The following ARL13B variants were observed in gnomAD, a reference collection of about 807,000 sequenced individuals.
ARL13B encodes the protein ARF like GTPase 13B, also known as ADP-ribosylation factor-like protein 13B.
ARL13B carries 36 observed loss-of-function variants against 56.1 expected under a neutral mutation model. That is an observed-to-expected ratio of 0.64 (90% CI 0.49 to 0.85). The LOEUF (loss-of-function observed/expected upper bound fraction) is 0.85. Ranked by LOEUF, ARL13B falls within the 40% of genes least tolerant of loss-of-function variation. The pLI, the probability that ARL13B is intolerant of heterozygous loss-of-function variation, is 0.00. For missense variants in ARL13B, 519 were observed against 507.1 expected, an observed-to-expected ratio of 1.02 and a Z score of -0.23; for synonymous variants, 178 against 171.1, an observed-to-expected ratio of 1.04 and a Z score of -0.32.
At chr3:94,033,051 A>G (rs1227649950) in intron 3 of ARL13B, among the ~76,000 whole-genome samples, 1 of 152,222 alleles carries the variant, frequency 6.6e-6, no homozygotes, top group Non-Finnish European at 1.5e-5. Context: ...TCAACTATTT[A>G]AAAAAGCATG....
At chr3:94,046,989 T>C (rs1318001139) in intron 7 of ARL13B, among the ~76,000 whole-genome samples, 2 of 152,100 alleles carry the variant, frequency 1.3e-5, no homozygotes, top group Non-Finnish European at 2.9e-5. Flanking sequence ...CTACTAGATA[T>C]ACGTTAAGTT....
chr3:94,006,998 C>T (rs2076146620), intron 3 of ARL13B, among the ~76,000 whole-genome samples: 1 of 152,100 alleles, frequency 6.6e-6, no homozygotes, highest in South Asian at 2.1e-4. Context: ...CTTTGTTGCA[C>T]ACAGCTTCCT....
chr3:93,992,794 GTTTTA>G (rs559458931), intron 1 of ARL13B, among the ~76,000 whole-genome samples: 56 of 151,896 alleles, frequency 3.7e-4, no homozygotes, highest in African/African-American at 1.3e-3. Context: ...TTATCATTGT[GTTTTA>G]TTTTATTTTT....
At chr3:94,008,430 G>C (rs1175515171) in intron 3 of ARL13B, among the ~76,000 whole-genome samples, 2 of 152,070 alleles carry the variant, frequency 1.3e-5, no homozygotes, top group Non-Finnish European at 2.9e-5. Context: ...AAAGTAAACA[G>C]GTTTTGCAAC....
chr3:94,029,327 TATATATATTTA>T (rs1559997632), intron 3 of ARL13B, among the ~76,000 whole-genome samples: 10 of 101,942 alleles, frequency 9.8e-5, no homozygotes, highest in African/African-American at 3.8e-4. Context: ...TATATATATA[TATATATATTTA>T]TTTTTTTTTT....
chr3:94,016,240 G>T (rs540495655), intron 3 of ARL13B, among the ~76,000 whole-genome samples: 1 of 152,066 alleles, frequency 6.6e-6, no homozygotes, highest in South Asian at 2.1e-4. Context: ...GATAAGAAGA[G>T]GCTGTTAGGG....
intron 3 of ARL13B, among the ~76,000 whole-genome samples, chr3:94,030,562 AACAAATAC>A (rs2076658454): frequency 6.6e-6 from 1 of 152,034 alleles, no homozygotes; most frequent in African/African-American, 2.4e-5. Flanking sequence ...TAAATCTTAA[AACAAATAC>A]ACAAACGATC....
rs139946802 is a variant in ARL13B at position 94,005,388 on chromosome 3, C to T, written c.380+1480C>T. ...TTATAATTAGAATGATCCTAATAGG[C>T]CTTATTGAGAAACTGACATTTGAAA... is the stretch of plus-strand genomic sequence containing the variant. On this transcript the variant is annotated intron_variant, in intron 3 of 9. Coordinates refer to ENST00000394222, the MANE Select transcript of ARL13B (RefSeq NM_001174150.2). 3.5e-4 allele frequency among the ~76,000 whole-genome samples: 54 copies of T among 152,180 alleles called. No individual in the cohort carries two copies. In the East Asian group the frequency reaches 9.1e-3, roughly 26 times the overall value.
At chr3:94,040,516 A>C (rs2076843566) in intron 6 of ARL13B, among the ~76,000 whole-genome samples, 1 of 152,072 alleles carries the variant, frequency 6.6e-6, no homozygotes, top group Non-Finnish European at 1.5e-5. Flanking sequence ...GTAGATTTTA[A>C]TTATGAAGAC....
In ARL13B at chr3:93,980,172, T is replaced by C. The variant is rs1710130989; in HGVS notation, c.-252T>C. 6 of 652,386 alleles carry C rather than the reference T, an allele frequency of 9.2e-6. No individual in the cohort carries two copies. The highest frequency in any genetic ancestry group is 4.0e-4 in the Middle Eastern group (1 of 2,474). 40.4% of individuals were successfully genotyped at this position (652,386 alleles called of 1,614,324 possible). On this transcript the variant is annotated 5_prime_UTR_variant, in exon 1 of 10. Transcript: ENST00000394222. Reference sequence around the variant, plus strand: ...GACGCGGGGCTTTTCTTTAGCCGGGTCCCGCTAACTCGGCTACGGTGTATC... The same window carrying C: ...GACGCGGGGCTTTTCTTTAGCCGGGCCCCGCTAACTCGGCTACGGTGTATC...
At chr3:94,021,086 G>A (rs2076438024) in intron 3 of ARL13B, among the ~76,000 whole-genome samples, 1 of 151,770 alleles carries the variant, frequency 6.6e-6, no homozygotes, top group South Asian at 2.1e-4. Flanking sequence ...AATTATGAAA[G>A]GAAGATTAGT....
intron 5 of ARL13B, among the ~76,000 whole-genome samples, chr3:94,038,738 G>T (rs1170281015): frequency 6.6e-6 from 1 of 151,758 alleles, no homozygotes; most frequent in African/African-American, 2.4e-5. Context: ...GATTAGGCTG[G>T]TCTCAAACTC....
chr3:93,981,162 C>T (rs192542899), intron 1 of ARL13B, among the ~76,000 whole-genome samples: 2 of 152,226 alleles, frequency 1.3e-5, no homozygotes, highest in African/African-American at 4.8e-5. Flanking sequence ...ATAATTAGTA[C>T]CTGTTACTTG....
intron 9 of ARL13B, among the ~76,000 whole-genome samples, 194 bp from the exon 10 acceptor site, chr3:94,052,993 A>G (rs1007219010): frequency 3.9e-5 from 6 of 152,122 alleles, no homozygotes; most frequent in African/African-American, 1.4e-4. Context: ...AACAGGATGG[A>G]ATGTTGGTGC....
chr3:94,031,408 C>A (rs1272534662), intron 3 of ARL13B, among the ~76,000 whole-genome samples: 1 of 151,752 alleles, frequency 6.6e-6, no homozygotes, highest in African/African-American at 2.4e-5. Flanking sequence ...ATGCCATTTT[C>A]CACTGAAAAG....
chr3:94,048,716 T>C (rs1049074846), intron 7 of ARL13B, among the ~76,000 whole-genome samples: 1 of 151,998 alleles, frequency 6.6e-6, no homozygotes, highest in Admixed American at 6.6e-5. Context: ...CTCAGCCTCC[T>C]GAATAGTTGG....
At chr3:94,045,941 A>C (rs2076974262) in intron 7 of ARL13B, among the ~76,000 whole-genome samples, 2 of 128,758 alleles carry the variant, frequency 1.6e-5, no homozygotes, top group Admixed American at 1.6e-4. Context: ...ACAGAGCAAG[A>C]CTCCATCACA....
Position 94,054,537 on chromosome 3 carries a change from T to C in ARL13B, c.*1274T>C, listed in dbSNP as rs775044907. ...AAACAGAATGATTTTTATACCACCT[T>C]GTTAAGATTGGTGCTTTTGGTAACT... On this transcript the variant is annotated 3_prime_UTR_variant, in exon 10 of 10. Coordinates refer to ENST00000394222, the MANE Select transcript of ARL13B (RefSeq NM_001174150.2). The C allele has an allele frequency of 2.0e-5, 8 of 395,676 alleles. No individual in the cohort carries two copies. Among genetic ancestry groups the C allele is most frequent in the Middle Eastern group, 8.3e-4 (1 of 1,200 alleles). The allele number at this position is 395,676 out of a possible 1,614,324, so 24.5% of individuals were successfully genotyped here.
chr3:94,036,490 G>T (rs2076769910), intron 4 of ARL13B, 62 bp from the exon 5 acceptor site: 1 of 1,536,524 alleles, frequency 6.5e-7, no homozygotes, highest in African/African-American at 1.4e-5. Flanking sequence ...ATACTTAATG[G>T]TTTATGAATA....
Sources: allele counts gnomAD v4.1 joint callset (sites outside exome capture counted in the v4.1 genomes callset), GRCh38; gene constraint gnomAD v4.1.1; transcripts MANE v1.5; gene names NCBI Gene and HGNC (gene_info 2026-07-23, HGNC 2026-07-21).